Variants in RGSL1 observed in about 807,000 individuals in gnomAD.
RGSL1 encodes regulator of G protein signaling protein-like.
RGSL1 carries 97 observed loss-of-function variants against 124.7 expected under a neutral mutation model. That is an observed-to-expected ratio of 0.78 (90% CI 0.66 to 0.92). The LOEUF (loss-of-function observed/expected upper bound fraction) is 0.92, where lower values mean the gene tolerates loss of function less well. Among genes scored for constraint, RGSL1 ranks in the 40% least tolerant of loss-of-function variants. RGSL1 has a pLI of 0.00. For missense variants in RGSL1, 1,233 were observed against 1,288.4 expected, an observed-to-expected ratio of 0.96 and a Z score of 0.66; for synonymous variants, 424 against 438.1, an observed-to-expected ratio of 0.97 and a Z score of 0.40.
intron 21 of RGSL1, among the ~76,000 whole-genome samples, chr1:182,556,475 C>A (rs1028106775): frequency 2.0e-5 from 3 of 152,162 alleles, no homozygotes; most frequent in African/African-American, 7.2e-5. Context: ...ATGACTCACA[C>A]CCATTGTCTC....
Position 182,497,677 on chromosome 1 carries a change from G to A in RGSL1, c.1825+4548G>A, listed in dbSNP as rs917515073. On this transcript the variant is annotated intron_variant, in intron 9 of 21. Coordinates refer to ENST00000294854, the MANE Select transcript of RGSL1 (RefSeq NM_001137669.2). ...TTTCAGACCAAATTCAATATTTATTGAATGTCATCTTACTCAGATTTTCTT... is the reference window on the plus strand; with the variant it reads ...TTTCAGACCAAATTCAATATTTATTAAATGTCATCTTACTCAGATTTTCTT... Among the ~76,000 whole-genome samples, 9 of 152,020 alleles carry A rather than the reference G, an allele frequency of 5.9e-5. 1 individual carries two copies. Among genetic ancestry groups the A allele is most frequent in the African/African-American group, 2.2e-4 (9 of 41,376 alleles).
upstream of RGSL1, among the ~76,000 whole-genome samples, chr1:182,448,911 C>T (rs1377132353): frequency 6.6e-6 from 1 of 152,132 alleles, no homozygotes; most frequent in Admixed American, 6.6e-5. Context: ...AGGGTAGGTG[C>T]ACACAGCTTG....
chr1:182,465,411 A>G (rs958635620), intron 4 of RGSL1, among the ~76,000 whole-genome samples: 1 of 147,232 alleles, frequency 6.8e-6, no homozygotes, highest in East Asian at 2.1e-4. Flanking sequence ...GGAATTGAAC[A>G]ATGAGAACAC....
intron 8 of RGSL1, 76 bp downstream of exon 8, chr1:182,489,278 AT>A: frequency 7.8e-7 from 1 of 1,287,946 alleles, no homozygotes. Flanking sequence ...TTTACTAATT[AT>A]TTACTAAGCG....
chr1:182,462,331 C>T lies in RGSL1; in HGVS notation c.301+2198C>T, dbSNP rs184775269. On this transcript the variant is annotated intron_variant, in intron 4 of 21. Transcript: ENST00000294854. ...TAAACAAAAGTTGAGGGAGCTTTCCCGCAAGAAATGCTCAAGAGAGTCCTG... is the reference window on the plus strand; with the variant it reads ...TAAACAAAAGTTGAGGGAGCTTTCCTGCAAGAAATGCTCAAGAGAGTCCTG... 1.2e-3 allele frequency among the ~76,000 whole-genome samples: 189 copies of T among 152,078 alleles called. 1 individual carries two copies. The highest frequency in any genetic ancestry group is 3.9e-3 in the African/African-American group (163 of 41,514).
At chr1:182,456,158 G>C (rs952963977) in intron 2 of RGSL1, among the ~76,000 whole-genome samples, 1 of 152,126 alleles carries the variant, frequency 6.6e-6, no homozygotes, top group African/African-American at 2.4e-5. Flanking sequence ...AACAGGCTTG[G>C]GTGCTTGGAT....
intron 14 of RGSL1, among the ~76,000 whole-genome samples, chr1:182,534,641 A>T (rs1659417595): frequency 1.3e-5 from 2 of 152,170 alleles, no homozygotes; most frequent in Non-Finnish European, 2.9e-5. Flanking sequence ...CAGCCTAACC[A>T]ACATGGTGAA....
At chr1:182,558,582 C>A (rs1379155119) in intron 21 of RGSL1, among the ~76,000 whole-genome samples, 1 of 152,128 alleles carries the variant, frequency 6.6e-6, no homozygotes, top group Non-Finnish European at 1.5e-5. Flanking sequence ...ATTGTAGGTA[C>A]AGGATGGAGG....
At chr1:182,463,041 C>G (rs1004097030) in intron 4 of RGSL1, among the ~76,000 whole-genome samples, 4 of 152,102 alleles carry the variant, frequency 2.6e-5, no homozygotes, top group Non-Finnish European at 5.9e-5. Flanking sequence ...TGCCTGTAAT[C>G]CCAGAACTTT....
rs890340345 is a variant in RGSL1 at position 182,453,890 on chromosome 1, T to A, written c.14-68T>A. The A allele has an allele frequency of 5.9e-6, 5 of 845,780 alleles. No individual in the cohort carries two copies. In the African/African-American group the frequency reaches 8.5e-5, roughly 14 times the overall value. 52.4% of individuals were successfully genotyped at this position (845,780 alleles called of 1,614,324 possible). On this transcript the variant is annotated intron_variant, in intron 1 of 21. Transcript: ENST00000294854. ...AACGTGAAATGATCCATTCGATTGC[T>A]TCATTTTCTGAACCTGAATGCAATT... is the stretch of plus-strand genomic sequence containing the variant.
chr1:182,495,291 T>A (rs1426667226), intron 9 of RGSL1, among the ~76,000 whole-genome samples: 2 of 152,200 alleles, frequency 1.3e-5, no homozygotes, highest in South Asian at 2.1e-4. Context: ...CAGTGGCTTA[T>A]GACAGAGACT....
intron 1 of RGSL1, among the ~76,000 whole-genome samples, chr1:182,452,282 A>G (rs1651905247): frequency 6.6e-6 from 1 of 152,176 alleles, no homozygotes; most frequent in South Asian, 2.1e-4. Flanking sequence ...GGAATCACCC[A>G]TATGGAATAG....
At chr1:182,493,760 T>TCCTCTCTGGACCATCTGGGC (rs1655704469) in intron 9 of RGSL1, among the ~76,000 whole-genome samples, 1 of 152,166 alleles carries the variant, frequency 6.6e-6, no homozygotes, top group Non-Finnish European at 1.5e-5. Context: ...AGAAGGGGCC[T>TCCTCTCTGGACCATCTGGGC]CCTCTCTGGG....
intron 2 of RGSL1, among the ~76,000 whole-genome samples, chr1:182,456,298 T>A (rs1652314261): frequency 6.9e-6 from 1 of 144,394 alleles, no homozygotes; most frequent in Non-Finnish European, 1.5e-5. Context: ...TCAGAAGTAA[T>A]CTTTTTTTTT....
chr1:182,513,152 GA>G (rs1657588870), intron 9 of RGSL1, among the ~76,000 whole-genome samples: 1 of 152,196 alleles, frequency 6.6e-6, no homozygotes, highest in African/African-American at 2.4e-5. Flanking sequence ...GTCTACTGTT[GA>G]TATCATTTTC....
At chr1:182,462,027 A>G (rs991986676) in intron 4 of RGSL1, among the ~76,000 whole-genome samples, 1 of 151,598 alleles carries the variant, frequency 6.6e-6, no homozygotes, top group Admixed American at 6.6e-5. Flanking sequence ...AATGAACTCC[A>G]AGTAAGATGA....
chr1:182,559,150 G>T (rs1661029063), intron 21 of RGSL1, among the ~76,000 whole-genome samples: 1 of 152,040 alleles, frequency 6.6e-6, no homozygotes, highest in Non-Finnish European at 1.5e-5. Flanking sequence ...TGGCTCTCCT[G>T]TTGAACTTAC....
chr1:182,527,399 A>C (rs1303334051), intron 10 of RGSL1, among the ~76,000 whole-genome samples, 180 bp from the exon 11 acceptor site: 1 of 152,234 alleles, frequency 6.6e-6, no homozygotes, highest in Non-Finnish European at 1.5e-5. Flanking sequence ...GAAATGGTAC[A>C]TAAAAGTTCA....
intron 20 of RGSL1, chr1:182,554,965 C>T (rs947642555): frequency 6.8e-6 from 3 of 437,986 alleles, no homozygotes; most frequent in Non-Finnish European, 1.2e-5. Flanking sequence ...GTGGAAGTGT[C>T]CCAGATGATC....
Sources: gnomAD v4.1 joint callset for allele counts (sites outside exome capture counted in the v4.1 genomes callset) on GRCh38, gnomAD v4.1.1 for gene constraint, MANE v1.5 for transcripts, NCBI Gene and HGNC (gene_info 2026-07-23, HGNC 2026-07-21) for gene names.